The following ARHGEF17 variants were observed in gnomAD, a reference collection of about 807,000 sequenced individuals.
ARHGEF17 encodes the protein 164 kDa Rho-specific guanine-nucleotide exchange factor.
A neutral mutation model predicts 174.0 loss-of-function variants in ARHGEF17; 80 were observed. That is an observed-to-expected ratio of 0.46 (90% confidence interval 0.38 to 0.55). The LOEUF (loss-of-function observed/expected upper bound fraction) is 0.55, where lower values mean the gene tolerates loss of function less well. ARHGEF17 is among the 20% of genes least tolerant of loss of function. The pLI is 0.00. For missense variants in ARHGEF17, 2,886 were observed against 2,839.7 expected (o/e 1.02, Z -0.37); for synonymous variants, 1,311 against 1,189.1 (o/e 1.10, Z -2.11).
chr11:73,308,656 C>A lies in ARHGEF17; in HGVS notation c.18C>A (p.Pro6=). 1 of 1,508,176 alleles carries A rather than the reference C, an allele frequency of 6.6e-7. No individual in the cohort carries two copies. 93.4% of individuals were successfully genotyped at this position (1,508,176 alleles called of 1,614,324 possible). A position where few individuals can be genotyped will look rare whatever the true frequency, so the allele number is the denominator to read the frequency against. The change falls in exon 1 of 21, where the codon CCC becomes CCA. Residue 6 remains proline (P), a synonymous_variant. Coordinates refer to ENST00000263674, the MANE Select transcript of ARHGEF17 (RefSeq NM_014786.4). MADGA[P]RPQLYRSVSF... Reference sequence around the variant, plus strand: ...ACGCCACTATGGCGGACGGGGCACCCCGGCCCCAGCTTTACCGCAGCGTCT... The same window carrying A: ...ACGCCACTATGGCGGACGGGGCACCACGGCCCCAGCTTTACCGCAGCGTCT...
intron 1 of ARHGEF17, among the ~76,000 whole-genome samples, chr11:73,340,965 G>A (rs1011388617): frequency 6.6e-6 from 1 of 152,220 alleles, no homozygotes; most frequent in African/African-American, 2.4e-5. Flanking sequence ...GAGCTATTCA[G>A]GCTGGTCTGC....
chr11:73,327,845 G>A (rs1865127166), intron 1 of ARHGEF17, among the ~76,000 whole-genome samples: 1 of 132,106 alleles, frequency 7.6e-6, no homozygotes, highest in Non-Finnish European at 1.5e-5. Flanking sequence ...ACTGAAGCCA[G>A]ATGGCTTTCT....
intron 1 of ARHGEF17, among the ~76,000 whole-genome samples, chr11:73,323,808 G>A (rs919403838): frequency 1.3e-5 from 2 of 152,264 alleles, no homozygotes; most frequent in African/African-American, 4.8e-5. Flanking sequence ...GGGTGGGCCC[G>A]GCCTGCCCCA....
rs1368043521 is a variant in ARHGEF17, at chr11:73,309,069, A to G, written c.431A>G (p.Asp144Gly). Residue 144 changes from aspartate to glycine, a missense_variant, in exon 1 of 21, where the codon GAC becomes GGC. Physicochemically the swap from Asp to Gly is moderately conservative, Grantham distance 94. Coordinates refer to ENST00000263674, the MANE Select transcript of ARHGEF17 (RefSeq NM_014786.4). The part of the protein sequence containing the change: ...GGPGSRRPSA[D>G]SESPGTPSPD... Reference sequence around the variant, plus strand: ...CCTGGCTCCAGGAGGCCCAGCGCCGACTCTGAATCCCCAGGAACGCCCAGC... The same window carrying G: ...CCTGGCTCCAGGAGGCCCAGCGCCGGCTCTGAATCCCCAGGAACGCCCAGC... 6.6e-7 allele frequency: 1 copy of G among 1,510,790 alleles called. No homozygotes were observed. The highest frequency in any genetic ancestry group is 2.1e-5 in the Admixed American group (1 of 47,360). The allele number at this position is 1,510,790 out of a possible 1,614,324, so 93.6% of individuals were successfully genotyped here. A position where few individuals can be genotyped will look rare whatever the true frequency, so the allele number is the denominator to read the frequency against.
At chr11:73,336,113 C>A (rs1261085880) in intron 1 of ARHGEF17, among the ~76,000 whole-genome samples, 1 of 152,192 alleles carries the variant, frequency 6.6e-6, no homozygotes, top group South Asian at 2.1e-4. Flanking sequence ...TGTTAATGTG[C>A]TCTGTGACCC....
intron 1 of ARHGEF17, among the ~76,000 whole-genome samples, chr11:73,330,807 C>G (rs574224678): frequency 3.9e-5 from 6 of 152,342 alleles, no homozygotes; most frequent in African/African-American, 1.4e-4. Context: ...AGCGCCCACT[C>G]AGGCTTGGCC....
chr11:73,311,576 C>T lies in ARHGEF17; in HGVS notation c.2938C>T (p.Pro980Ser). The T allele has an allele frequency of 6.2e-7, 1 of 1,613,622 alleles. No homozygotes were observed. The highest frequency in any genetic ancestry group is 8.5e-7 in the Non-Finnish European group (1 of 1,180,034). ...GCCTGAGCCACCAACTTCTGTTGGT[C>T]CCCCTGTGGCTGTGCCAGAACCCAT... The part of the protein sequence containing the change: ...VVPEPPTSVG[P>S]PVAVPEPIGF... Residue 980 changes from proline to serine, a missense_variant, in exon 1 of 21, where the codon CCC (proline) becomes TCC (serine). Transcript: ENST00000263674.
chr11:73,327,537 A>G (rs1046045071), intron 1 of ARHGEF17, among the ~76,000 whole-genome samples: 1 of 152,258 alleles, frequency 6.6e-6, no homozygotes, highest in South Asian at 2.1e-4. Context: ...TGCCTGGTCC[A>G]CCATACAGCC....
In ARHGEF17 at chr11:73,310,765, A is replaced by G. The variant is rs1297851335; in HGVS notation, c.2127A>G (p.Arg709=). ...CCACACCAGGTGCCCTCCGCCGACGACGCAAAGTCCCACCTTCAGGTTCTG... is the reference window on the plus strand; with the variant it reads ...CCACACCAGGTGCCCTCCGCCGACGGCGCAAAGTCCCACCTTCAGGTTCTG... ...TPPTPGALRR[R]RKVPPSGSGG... Residue 709 remains arginine (R), a synonymous_variant, in exon 1 of 21, where the codon CGA becomes CGG. Transcript: ENST00000263674. The G allele has an allele frequency of 6.2e-7, 1 of 1,611,400 alleles. No individual in the cohort carries two copies. The highest frequency in any genetic ancestry group is 2.2e-5 in the East Asian group (1 of 44,812).
At chr11:73,328,202 G>T (rs56665358) in intron 1 of ARHGEF17, among the ~76,000 whole-genome samples, 20,858 of 152,186 alleles carry the variant, frequency 0.14, 1,840 homozygotes, top group African/African-American at 0.25. Context: ...CTTTGGTAGG[G>T]GGATGAGCTG....
At position 73,367,846 on chromosome 11, in the gene ARHGEF17, C is replaced by T; in HGVS notation, c.*66C>T. 1.3e-6 allele frequency: 2 copies of T among 1,506,078 alleles called. No homozygotes were observed. Among genetic ancestry groups the T allele is most frequent in the South Asian group, 1.2e-5 (1 of 81,602 alleles). 93.3% of individuals were successfully genotyped at this position (1,506,078 alleles called of 1,614,324 possible). A position where few individuals can be genotyped will look rare whatever the true frequency, so the allele number is the denominator to read the frequency against. ...TTCAGCCTGCTTGCCTCTCCCTAGC[C>T]CACACGCAGACTTTGACCAGGAGTA... is the stretch of plus-strand genomic sequence containing the variant. On this transcript the variant is annotated 3_prime_UTR_variant, in exon 21 of 21. Transcript: ENST00000263674.
At chr11:73,314,872 C>T (rs1201007019) in intron 1 of ARHGEF17, among the ~76,000 whole-genome samples, 1 of 152,166 alleles carries the variant, frequency 6.6e-6, no homozygotes, top group Non-Finnish European at 1.5e-5. Flanking sequence ...ACCTTCTGCC[C>T]TCAGGTCCCT....
At chr11:73,324,508 C>T (rs947275667) in intron 1 of ARHGEF17, among the ~76,000 whole-genome samples, 2 of 152,126 alleles carry the variant, frequency 1.3e-5, no homozygotes, top group African/African-American at 2.4e-5. Flanking sequence ...CAAAGGGTGC[C>T]GTCCCGAGTC....
At chr11:73,352,660 A>G (rs1444839444) in intron 2 of ARHGEF17, among the ~76,000 whole-genome samples, 170 bp from the exon 3 acceptor site, 1 of 152,166 alleles carries the variant, frequency 6.6e-6, no homozygotes, top group African/African-American at 2.4e-5. Context: ...ATGAGCTTAG[A>G]TCTTCCCATC....
intron 17 of ARHGEF17, 31 bp downstream of exon 17, chr11:73,364,270 CCT>C (rs1236964072): frequency 6.2e-7 from 1 of 1,612,790 alleles, no homozygotes; most frequent in Non-Finnish European, 8.5e-7. Flanking sequence ...ACACCCTGCC[CCT>C]GTCCCCTTAC....
rs1365640083 is a variant in ARHGEF17 at position 73,355,811 on chromosome 11, A to G, written c.3571-50A>G. On this transcript the variant is annotated intron_variant, in intron 4 of 20. Transcript: ENST00000263674. ...TTGCTGGGGACCTGTCCCTGGACAT[A>G]GTCTTCCTGGCATGTCATTCCTCAC... 3.7e-6 allele frequency: 6 copies of G among 1,608,740 alleles called. No homozygotes were observed. The Admixed American group carries it at 6.7e-5, about 18-fold the overall frequency.
chr11:73,356,009 A>G lies in ARHGEF17; in HGVS notation c.3663+56A>G. On this transcript the variant is annotated intron_variant, in intron 5 of 20. Transcript: ENST00000263674. ...AAGGCCTGGAAGCATGGGGGGATAC[A>G]AGGAGGTCTAAGGCCCCTGCCTCGT... 10 of 1,603,718 alleles carry G rather than the reference A, an allele frequency of 6.2e-6. No individual in the cohort carries two copies. The South Asian group carries it at 1.1e-4, about 18-fold the overall frequency.
chr11:73,328,867 A>G (rs1460256036), intron 1 of ARHGEF17, among the ~76,000 whole-genome samples: 1 of 152,064 alleles, frequency 6.6e-6, no homozygotes, highest in African/African-American at 2.4e-5. Flanking sequence ...GGGCTGGGGC[A>G]GAGATACTCC....
intron 1 of ARHGEF17, among the ~76,000 whole-genome samples, chr11:73,314,917 A>C (rs1401269584): frequency 6.6e-6 from 1 of 152,160 alleles, no homozygotes; most frequent in East Asian, 1.9e-4. Context: ...ACTGTAGCCC[A>C]CAGCAGGGGG....
Sources: allele counts gnomAD v4.1 joint callset (sites outside exome capture counted in the v4.1 genomes callset), GRCh38; gene constraint gnomAD v4.1.1; transcripts MANE v1.5; gene names NCBI Gene and HGNC (gene_info 2026-07-23, HGNC 2026-07-21).